Variants in ADAMTS18 observed in about 807,000 individuals in gnomAD.
ADAMTS18 encodes ADAM metallopeptidase with thrombospondin type 1 motif 18.
In ADAMTS18, 157 loss-of-function variants were observed where a neutral mutation model predicts 165.9. The ratio of observed to expected loss-of-function variants is 0.95; its 90% CI spans 0.83 to 1.08. The LOEUF is 1.08. Ranked by LOEUF, ADAMTS18 falls within the 50% of genes least tolerant of loss-of-function variation. ADAMTS18 has a pLI of 0.00. For missense variants in ADAMTS18, 2,040 were observed against 1,534.0 expected (o/e 1.33, Z -5.51); for synonymous variants, 782 against 578.2 (o/e 1.35, Z -5.06).
intron 7 of ADAMTS18, among the ~76,000 whole-genome samples, chr16:77,360,381 T>C (rs2056695077): frequency 6.6e-6 from 1 of 152,194 alleles, no homozygotes. Flanking sequence ...CTCAGAGTCA[T>C]AAATTCTACA....
intron 11 of ADAMTS18, among the ~76,000 whole-genome samples, chr16:77,336,275 G>C (rs924988642): frequency 6.6e-6 from 1 of 151,968 alleles, no homozygotes; most frequent in Non-Finnish European, 1.5e-5. Flanking sequence ...AGAACAATTC[G>C]GATCACTCAT....
At chr16:77,359,629 C>G (rs1482999831) in intron 7 of ADAMTS18, among the ~76,000 whole-genome samples, 2 of 150,410 alleles carry the variant, frequency 1.3e-5, no homozygotes, top group African/African-American at 2.4e-5. Flanking sequence ...TATTTTCTTG[C>G]TTTTGTTACA....
Position 77,366,958 on chromosome 16 carries a change from C to G in ADAMTS18, c.778+483G>C, listed in dbSNP as rs182577146. ...TGTATTTAAGGCTCGTGTTACATTT[C>G]TATTGGACATCGCTGGTCTGGAAAC... On this transcript the variant is annotated intron_variant, in intron 4 of 22. Coordinates refer to ENST00000282849, the MANE Select transcript of ADAMTS18 (RefSeq NM_199355.4). Among the ~76,000 whole-genome samples the G allele has an allele frequency of 2.4e-3, 361 of 152,122 alleles. 2 individuals carry two copies. The highest frequency in any genetic ancestry group is 8.5e-3 in the African/African-American group (351 of 41,504).
At chr16:77,374,077 G>A (rs574423673) in intron 3 of ADAMTS18, among the ~76,000 whole-genome samples, 250 of 152,102 alleles carry the variant, frequency 1.6e-3, no homozygotes, top group Middle Eastern at 3.4e-3. Context: ...AAATTAGCCC[G>A]GCGTGGTGGC....
chr16:77,330,419 T>C (rs775875577), intron 12 of ADAMTS18, among the ~76,000 whole-genome samples: 5 of 152,182 alleles, frequency 3.3e-5, no homozygotes, highest in Non-Finnish European at 7.3e-5. Flanking sequence ...GGGAACTTAA[T>C]CTGACTCTGC....
intron 3 of ADAMTS18, among the ~76,000 whole-genome samples, chr16:77,398,540 T>A (rs961676350): frequency 7.9e-5 from 12 of 152,172 alleles, no homozygotes; most frequent in Non-Finnish European, 1.8e-4. Flanking sequence ...GAGGCTGTGA[T>A]AACTTTGGTA....
chr16:77,288,594 G>C (rs1203551526), intron 22 of ADAMTS18, among the ~76,000 whole-genome samples: 1 of 151,938 alleles, frequency 6.6e-6, no homozygotes, highest in Non-Finnish European at 1.5e-5. Context: ...ATAGTCCTAG[G>C]GCAATACATA....
intron 3 of ADAMTS18, among the ~76,000 whole-genome samples, chr16:77,410,934 G>A (rs563295021): frequency 6.6e-6 from 1 of 152,162 alleles, no homozygotes; most frequent in East Asian, 1.9e-4. Context: ...ATAACATTCT[G>A]GCCTTTCAGA....
At chr16:77,311,448 A>T (rs888770268) in intron 16 of ADAMTS18, among the ~76,000 whole-genome samples, 1 of 152,196 alleles carries the variant, frequency 6.6e-6, no homozygotes, top group Non-Finnish European at 1.5e-5. Context: ...TCCTTTAAAG[A>T]ATACAGCCAT....
chr16:77,382,396 G>C (rs899930831), intron 3 of ADAMTS18, among the ~76,000 whole-genome samples: 11 of 152,130 alleles, frequency 7.2e-5, no homozygotes, highest in African/African-American at 2.2e-4. Context: ...ATTTTTAGTA[G>C]AGACGGGGTT....
At chr16:77,420,793 CA>C (rs1439370889) in intron 3 of ADAMTS18, among the ~76,000 whole-genome samples, 2 of 152,058 alleles carry the variant, frequency 1.3e-5, no homozygotes, top group African/African-American at 2.4e-5. Flanking sequence ...ATAATTAAGG[CA>C]GGGGGAAGAA....
intron 3 of ADAMTS18, among the ~76,000 whole-genome samples, chr16:77,383,351 A>C (rs1342876263): frequency 6.6e-6 from 1 of 152,168 alleles, no homozygotes; most frequent in African/African-American, 2.4e-5. Flanking sequence ...AGCATCTAGT[A>C]GCTTCTCTAG....
Position 77,364,215 on chromosome 16 carries a change from G to A in ADAMTS18, c.945C>T (p.Thr315=), listed in dbSNP as rs768029665. Residue 315 remains threonine (T), a synonymous_variant, in exon 5 of 23, where the codon ACC becomes ACT. Coordinates refer to ENST00000282849, the MANE Select transcript of ADAMTS18 (RefSeq NM_199355.4). ...TGTTCATTACTGTGAGAATGTATGT[G>A]GTGACATTTCCCTTGCCATGCTTTT... is the stretch of plus-strand genomic sequence containing the variant. ...MVEKHGKGNV[T]TYILTVMNMV... 3 of 1,613,988 alleles carry A rather than the reference G, an allele frequency of 1.9e-6. No individual in the cohort carries two copies. The highest frequency in any genetic ancestry group is 1.7e-5 in the Admixed American group (1 of 59,992).
chr16:77,354,625 T>C (rs1252879366), intron 9 of ADAMTS18, among the ~76,000 whole-genome samples: 1 of 152,038 alleles, frequency 6.6e-6, no homozygotes, highest in East Asian at 1.9e-4. Context: ...GGGGTCCTAA[T>C]CAACCATGCA....
At chr16:77,284,557 G>T (rs749328501) in intron 22 of ADAMTS18, among the ~76,000 whole-genome samples, 2 of 151,956 alleles carry the variant, frequency 1.3e-5, no homozygotes, top group African/African-American at 2.4e-5. Context: ...ATTAAACATT[G>T]GGACTTTGGT....
chr16:77,346,709 T>A (rs1370118492), intron 10 of ADAMTS18, among the ~76,000 whole-genome samples: 1 of 152,184 alleles, frequency 6.6e-6, no homozygotes, highest in Non-Finnish European at 1.5e-5. Flanking sequence ...ATGCCTGAGT[T>A]TATTGCCCAA....
In ADAMTS18 at chr16:77,337,439, G is replaced by A. The variant is rs544082437; in HGVS notation, c.1711-1535C>T. ...CTTGCAAAGCACTGAATTAAAAGCC[G>A]TTTTCCTCAGTAGGAGAAATTTAGC... On this transcript the variant is annotated intron_variant, in intron 11 of 22. Coordinates refer to ENST00000282849, the MANE Select transcript of ADAMTS18 (RefSeq NM_199355.4). 1.3e-3 allele frequency among the ~76,000 whole-genome samples: 195 copies of A among 152,272 alleles called. 1 individual carries two copies. The highest frequency in any genetic ancestry group is 4.6e-3 in the African/African-American group (192 of 41,548).
At chr16:77,303,890 C>T (rs540871041) in intron 16 of ADAMTS18, among the ~76,000 whole-genome samples, 1 of 152,086 alleles carries the variant, frequency 6.6e-6, no homozygotes, top group Non-Finnish European at 1.5e-5. Context: ...ACAAGCCAGG[C>T]CTGGTGGTGG....
At chr16:77,381,107 C>T (rs1330728422) in intron 3 of ADAMTS18, among the ~76,000 whole-genome samples, 4 of 152,072 alleles carry the variant, frequency 2.6e-5, no homozygotes, top group African/African-American at 9.7e-5. Context: ...CTCCTGGGCT[C>T]AGGTAATCCG....
Sources: allele counts gnomAD v4.1 joint callset (sites outside exome capture counted in the v4.1 genomes callset), GRCh38; gene constraint gnomAD v4.1.1; transcripts MANE v1.5; gene names NCBI Gene and HGNC (gene_info 2026-07-23, HGNC 2026-07-21).